Variants in GALNT13 observed in about 807,000 individuals in gnomAD.
GALNT13 encodes UDP-GalNAc:polypeptide N-acetylgalactosaminyltransferase 13.
In GALNT13, 28 loss-of-function variants were observed where a neutral mutation model predicts 64.2. The observed-to-expected ratio is 0.44, with a 90% CI of 0.32 to 0.60. GALNT13 has a LOEUF of 0.60. Ranked by LOEUF, GALNT13 falls within the 20% of genes least tolerant of loss-of-function variation. The probability of loss-of-function intolerance (pLI) is 0.05; values close to 1 mark genes in which losing one functional copy is unlikely to be tolerated. For synonymous variants in GALNT13, 214 were observed against 224.6 expected, an observed-to-expected ratio of 0.95 and a Z score of 0.42; for missense variants, 577 against 669.8, an observed-to-expected ratio of 0.86 and a Z score of 1.53.
At chr2:153,845,273 C>G in the GALNT13 span, among the ~76,000 whole-genome samples, 1 of 152,152 alleles carries the variant, frequency 6.6e-6, no homozygotes, top group Non-Finnish European at 1.5e-5. Flanking sequence ...GCTCATGGTT[C>G]TGCAAGATTT....
chr2:154,432,842 G>A (rs978255349), intron 11 of GALNT13, among the ~76,000 whole-genome samples: 2 of 152,068 alleles, frequency 1.3e-5, no homozygotes, highest in African/African-American at 4.8e-5. Flanking sequence ...TTTGGTACTG[G>A]TGGTTAGTAC....
At chr2:153,568,102 C>G in the GALNT13 span, among the ~76,000 whole-genome samples, 1 of 152,176 alleles carries the variant, frequency 6.6e-6, no homozygotes, top group Non-Finnish European at 1.5e-5. Context: ...ATAGATTGAG[C>G]TCTGAAATTC....
chr2:154,183,915 A>C (rs1686106075), intron 4 of GALNT13, among the ~76,000 whole-genome samples: 1 of 151,828 alleles, frequency 6.6e-6, no homozygotes, highest in Non-Finnish European at 1.5e-5. Context: ...TGGAAAGTTA[A>C]GTTTATTTGA....
intron 1 of GALNT13, among the ~76,000 whole-genome samples, chr2:153,876,202 T>TAC (rs56256669): frequency 0.1 from 14,781 of 148,460 alleles, 820 homozygotes; most frequent in South Asian, 0.16. Flanking sequence ...CCCCCCACAC[T>TAC]ACACACACAC....
the GALNT13 span, among the ~76,000 whole-genome samples, chr2:153,151,221 C>T: frequency 1.1e-4 from 16 of 151,722 alleles, no homozygotes; most frequent in South Asian, 3.3e-3. Context: ...CCAAAAGACA[C>T]ATGAAAAAAT....
At chr2:154,418,957 A>G (rs1436585362) in intron 11 of GALNT13, among the ~76,000 whole-genome samples, 2 of 152,096 alleles carry the variant, frequency 1.3e-5, no homozygotes, top group African/African-American at 2.4e-5. Context: ...TAGAGATTCT[A>G]TTTTAACTCA....
chr2:153,450,384 A>T, the GALNT13 span, among the ~76,000 whole-genome samples: 1 of 152,056 alleles, frequency 6.6e-6, no homozygotes, highest in African/African-American at 2.4e-5. Context: ...TTCAGTTTGA[A>T]TGAAAAAAAA....
chr2:154,319,845 G>T (rs1261324818), intron 9 of GALNT13, among the ~76,000 whole-genome samples: 1 of 151,868 alleles, frequency 6.6e-6, no homozygotes, highest in African/African-American at 2.4e-5. Flanking sequence ...TTTGTTTGTA[G>T]TAGTTATTTT....
intron 1 of GALNT13, among the ~76,000 whole-genome samples, chr2:153,880,927 A>T (rs1686739581): frequency 6.6e-6 from 1 of 152,152 alleles, no homozygotes; most frequent in Non-Finnish European, 1.5e-5. Context: ...GCCAGACTGA[A>T]CTATGTATTG....
chr2:153,800,956 A>T, the GALNT13 span, among the ~76,000 whole-genome samples: 1 of 152,174 alleles, frequency 6.6e-6, no homozygotes, highest in Non-Finnish European at 1.5e-5. Flanking sequence ...CTCCATCAGC[A>T]CTTGCTACTT....
chr2:153,900,701 T>C (rs1688178609), intron 1 of GALNT13, among the ~76,000 whole-genome samples: 1 of 152,204 alleles, frequency 6.6e-6, no homozygotes, highest in African/African-American at 2.4e-5. Context: ...TGCAGACTTC[T>C]CTTACCTCTT....
intron 9 of GALNT13, among the ~76,000 whole-genome samples, chr2:154,327,198 C>T (rs1574092835): frequency 6.6e-6 from 1 of 152,012 alleles, no homozygotes; most frequent in Non-Finnish European, 1.5e-5. Flanking sequence ...TTCCTTTGTT[C>T]GGCATTTCTC....
At chr2:153,325,275 T>A in the GALNT13 span, among the ~76,000 whole-genome samples, 5 of 152,072 alleles carry the variant, frequency 3.3e-5, no homozygotes, top group African/African-American at 9.7e-5. Context: ...ATTTTCTAGT[T>A]TATGTGCACT....
chr2:153,535,674 G>GTAT, the GALNT13 span, among the ~76,000 whole-genome samples: 1 of 152,200 alleles, frequency 6.6e-6, no homozygotes, highest in Non-Finnish European at 1.5e-5. Flanking sequence ...AGTGGTAAAA[G>GTAT]TATTGTCCAG....
At chr2:154,429,759 T>A (rs1177488752) in intron 11 of GALNT13, among the ~76,000 whole-genome samples, 2 of 152,186 alleles carry the variant, frequency 1.3e-5, no homozygotes, top group Non-Finnish European at 2.9e-5. Flanking sequence ...CTTCAAAGCT[T>A]CAAAAGACAG....
At chr2:153,215,817 A>G in the GALNT13 span, among the ~76,000 whole-genome samples, 2 of 151,690 alleles carry the variant, frequency 1.3e-5, no homozygotes, top group Non-Finnish European at 2.9e-5. Context: ...CACTATCAGT[A>G]TATTTTAAAA....
the GALNT13 span, among the ~76,000 whole-genome samples, chr2:153,264,330 C>G: frequency 2.6e-5 from 4 of 152,182 alleles, no homozygotes; most frequent in African/African-American, 9.7e-5. Context: ...TGCTTTTACA[C>G]TGTTGGTGGG....
the GALNT13 span, among the ~76,000 whole-genome samples, chr2:153,364,523 C>A: frequency 6.6e-6 from 1 of 152,154 alleles, no homozygotes; most frequent in Non-Finnish European, 1.5e-5. Context: ...AGCTGATAAG[C>A]AACTTCAGCA....
chr2:154,006,250 G>A lies in GALNT13; in HGVS notation c.142+61611G>A, dbSNP rs148170490. Among the ~76,000 whole-genome samples, 594 of 152,178 alleles carry A rather than the reference G, an allele frequency of 3.9e-3. 2 individuals are homozygous for A. Among genetic ancestry groups the A allele is most frequent in the African/African-American group, 0.014 (568 of 41,532 alleles). ...AAGAAAATTATGTGAATTACTGATT[G>A]TTTTATAGAGAAGATTGTTTTAAAA... On this transcript the variant is annotated intron_variant, in intron 3 of 12. Transcript: ENST00000392825.
Sources: allele counts gnomAD v4.1 joint callset (sites outside exome capture counted in the v4.1 genomes callset), GRCh38; gene constraint gnomAD v4.1.1; transcripts MANE v1.5; gene names NCBI Gene and HGNC (gene_info 2026-07-23, HGNC 2026-07-21).